Variants in NCOA3 observed in about 807,000 individuals in gnomAD.
NCOA3 encodes the protein CBP-interacting protein.
In NCOA3, 51 loss-of-function variants were observed where a neutral mutation model predicts 158.8. That is an observed-to-expected ratio of 0.32 (90% confidence interval 0.26 to 0.41). The LOEUF (loss-of-function observed/expected upper bound fraction) is 0.41, where lower values mean the gene tolerates loss of function less well. Ranked by LOEUF, NCOA3 falls within the 10% of genes least tolerant of loss-of-function variation. The probability of loss-of-function intolerance (pLI) is 1.00; values close to 1 mark genes in which losing one functional copy is unlikely to be tolerated. For synonymous variants in NCOA3, 537 were observed against 592.4 expected, an observed-to-expected ratio of 0.91 and a Z score of 1.36; for missense variants, 1,510 against 1,746.6, an observed-to-expected ratio of 0.86 and a Z score of 2.41.
chr20:47,535,815 G>GT (rs955576766), intron 1 of NCOA3, among the ~76,000 whole-genome samples: 31 of 152,104 alleles, frequency 2.0e-4, no homozygotes, highest in African/African-American at 7.5e-4. Flanking sequence ...CGAGTGCAAG[G>GT]TTTTATTGAA....
chr20:47,614,779 T>G (rs1841370059), intron 2 of NCOA3, among the ~76,000 whole-genome samples: 1 of 152,286 alleles, frequency 6.6e-6, no homozygotes, highest in Middle Eastern at 3.4e-3. Context: ...AAGGGCAGTT[T>G]AGTGACATCG....
chr20:47,611,926 G>A (rs969688675), intron 2 of NCOA3, among the ~76,000 whole-genome samples: 9 of 152,184 alleles, frequency 5.9e-5, no homozygotes, highest in African/African-American at 2.2e-4. Context: ...CTGGGCTCAG[G>A]TGATACCCCC....
Position 47,569,128 on chromosome 20 carries a change from T to C in NCOA3, c.-98-14055T>C, listed in dbSNP as rs1218953695. Among the ~76,000 whole-genome samples the C allele has an allele frequency of 2.0e-5, 3 of 152,158 alleles. No homozygotes were observed. In the East Asian group the frequency reaches 5.8e-4, roughly 29 times the overall value. On this transcript the variant is annotated intron_variant, in intron 1 of 22. Coordinates refer to ENST00000371998, the MANE Select transcript of NCOA3 (RefSeq NM_181659.3). ...CCCAGGAGTTCAAGACCAGGATCAC[T>C]TGAGCCCACGAGTTTGAGACCAAGC... is the stretch of plus-strand genomic sequence containing the variant.
intron 1 of NCOA3, among the ~76,000 whole-genome samples, chr20:47,543,267 C>T (rs2084774302): frequency 6.6e-6 from 1 of 152,008 alleles, no homozygotes; most frequent in Non-Finnish European, 1.5e-5. Flanking sequence ...TCAGAAGTGA[C>T]AGCTTGTCAC....
rs1006703867 is a variant in NCOA3 at position 47,649,065 on chromosome 20, G to A, written c.3607G>A (p.Ala1203Thr). The A allele has an allele frequency of 1.9e-6, 3 of 1,614,094 alleles. No individual in the cohort carries two copies. Among genetic ancestry groups the A allele is most frequent in the African/African-American group, 2.7e-5 (2 of 75,036 alleles). The change falls in exon 19 of 23, where the codon GCT becomes ACT. Residue 1203 changes from alanine (A) to threonine (T), a missense_variant. Transcript: ENST00000371998. ...AATGGAAAACCCTACTGCTGGTGGT[G>A]CTGCGGTGATGAGGCCTATGATGCA... ...LKMENPTAGGAAVMRPMMQPQ... is the reference protein window; with the variant it reads ...LKMENPTAGGTAVMRPMMQPQ...
At chr20:47,607,412 A>T (rs1428451716) in intron 2 of NCOA3, among the ~76,000 whole-genome samples, 4 of 152,210 alleles carry the variant, frequency 2.6e-5, no homozygotes, top group Non-Finnish European at 5.9e-5. Context: ...AAATCTGTAT[A>T]ACAAGCCTTA....
intron 2 of NCOA3, among the ~76,000 whole-genome samples, chr20:47,617,018 G>A (rs1043914119): frequency 7.9e-5 from 12 of 152,016 alleles, no homozygotes; most frequent in Non-Finnish European, 1.2e-4. Flanking sequence ...GCAGTGGCGC[G>A]GTCTTGGCTC....
intron 1 of NCOA3, among the ~76,000 whole-genome samples, chr20:47,563,838 A>G (rs1185582813): frequency 6.6e-6 from 1 of 151,206 alleles, no homozygotes; most frequent in African/African-American, 2.4e-5. Context: ...GCAGTGAGCC[A>G]AGATGGTGCC....
intron 1 of NCOA3, among the ~76,000 whole-genome samples, chr20:47,578,249 G>A (rs914977231): frequency 6.6e-6 from 1 of 151,190 alleles, no homozygotes. Context: ...GCAGTGGCGC[G>A]ATCTCAGCTC....
intron 1 of NCOA3, among the ~76,000 whole-genome samples, chr20:47,508,228 T>C (rs1241107447): frequency 6.6e-6 from 1 of 152,230 alleles, no homozygotes; most frequent in Non-Finnish European, 1.5e-5. Flanking sequence ...TTTGCCAAGC[T>C]TCAGGCATTT....
At chr20:47,597,217 A>G (rs990008110) in intron 2 of NCOA3, among the ~76,000 whole-genome samples, 2 of 152,088 alleles carry the variant, frequency 1.3e-5, no homozygotes, top group African/African-American at 4.8e-5. Context: ...GAAACCTCCA[A>G]CTGGTCTGCT....
At chr20:47,552,158 C>T (rs180904186) in intron 1 of NCOA3, among the ~76,000 whole-genome samples, 22 of 152,280 alleles carry the variant, frequency 1.4e-4, no homozygotes, top group African/African-American at 5.3e-4. Context: ...AGTTAATTAT[C>T]ATATCACATT....
At chr20:47,571,874 C>T (rs916455554) in intron 1 of NCOA3, among the ~76,000 whole-genome samples, 1 of 151,978 alleles carries the variant, frequency 6.6e-6, no homozygotes, top group Non-Finnish European at 1.5e-5. Flanking sequence ...ACTACAGGCA[C>T]ATGCCACCAT....
At chr20:47,586,215 G>T (rs149814002) in intron 2 of NCOA3, among the ~76,000 whole-genome samples, 1 of 151,950 alleles carries the variant, frequency 6.6e-6, no homozygotes, top group African/African-American at 2.4e-5. Context: ...CACTGTGCTC[G>T]GCCAATTTTT....
At chr20:47,619,815 G>C (rs1406581418) in intron 2 of NCOA3, among the ~76,000 whole-genome samples, 2 of 151,896 alleles carry the variant, frequency 1.3e-5, no homozygotes, top group Non-Finnish European at 2.9e-5. Flanking sequence ...TATTTTTTGA[G>C]ATGGAGTCAC....
In NCOA3 at chr20:47,501,973, C is replaced by T. The variant is rs985302476; in HGVS notation, c.-145C>T. 7.5e-6 allele frequency: 3 copies of T among 399,456 alleles called. No individual in the cohort carries two copies. Among genetic ancestry groups the T allele is most frequent in the Non-Finnish European group, 1.3e-5 (3 of 226,868 alleles). The allele number at this position is 399,456 out of a possible 1,614,324, so 24.7% of individuals were successfully genotyped here. On this transcript the variant is annotated 5_prime_UTR_variant, in exon 1 of 23. Transcript: ENST00000371998. The stretch of plus-strand genomic sequence containing the variant: ...CCGGCGGCGGCTGCGGGCTGAGCGG[C>T]GAGTTTCCGATTTAAAGCTGAGCTG...
At chr20:47,503,566 A>G (rs1722439561) in intron 1 of NCOA3, among the ~76,000 whole-genome samples, 1 of 152,206 alleles carries the variant, frequency 6.6e-6, no homozygotes, top group East Asian at 1.9e-4. Flanking sequence ...GTTGGATACC[A>G]AAAGCAGGGA....
chr20:47,533,317 T>TG (rs2084579150), intron 1 of NCOA3, among the ~76,000 whole-genome samples: 1 of 150,482 alleles, frequency 6.6e-6, no homozygotes, highest in African/African-American at 2.4e-5. Context: ...TCATTGATTT[T>TG]TTTTTTTCTT....
chr20:47,528,140 A>G (rs1263154806), intron 1 of NCOA3, among the ~76,000 whole-genome samples: 1 of 152,176 alleles, frequency 6.6e-6, no homozygotes, highest in African/African-American at 2.4e-5. Context: ...TCATATGTAT[A>G]TTTTGAGGAA....
Sources: gnomAD v4.1 joint callset for allele counts (sites outside exome capture counted in the v4.1 genomes callset) on GRCh38, gnomAD v4.1.1 for gene constraint, MANE v1.5 for transcripts, NCBI Gene and HGNC (gene_info 2026-07-23, HGNC 2026-07-21) for gene names.